Variants in EGLN3 observed in about 807,000 individuals in gnomAD.
The protein encoded by EGLN3 is prolyl hydroxylase EGLN3.
A neutral mutation model predicts 26.0 loss-of-function variants in EGLN3; 15 were observed. The observed-to-expected ratio is 0.58, with a 90% CI of 0.39 to 0.89. EGLN3 has a LOEUF of 0.89. Ranked by LOEUF, EGLN3 falls within the 40% of genes least tolerant of loss-of-function variation. EGLN3 has a pLI of 0.00. For synonymous variants in EGLN3, 147 were observed against 127.2 expected (o/e 1.16, Z -1.05); for missense variants, 238 against 311.6 (o/e 0.76, Z 1.78).
At chr14:33,942,308 A>G (rs1566600769) in intron 1 of EGLN3, among the ~76,000 whole-genome samples, 1 of 152,000 alleles carries the variant, frequency 6.6e-6, no homozygotes, top group Non-Finnish European at 1.5e-5. Context: ...AAAAAAAAAA[A>G]AGACAACTTG....
intron 1 of EGLN3, among the ~76,000 whole-genome samples, chr14:33,936,160 G>A (rs1040545017): frequency 6.6e-5 from 10 of 152,294 alleles, no homozygotes; most frequent in Middle Eastern, 3.4e-3. Context: ...AACCTGGGAA[G>A]TGGAGGTTGC....
chr14:33,931,287 G>A, intron 1 of EGLN3, 72 bp from the exon 2 acceptor site: 1 of 1,604,144 alleles, frequency 6.2e-7, no homozygotes, highest in East Asian at 2.2e-5. Flanking sequence ...CTGGTGAGCA[G>A]ATAAGTAACA....
Position 33,950,480 on chromosome 14 carries a change from G to A in EGLN3, c.273C>T (p.Ile91=), listed in dbSNP as rs1343053942. 6.2e-7 allele frequency: 1 copy of A among 1,613,712 alleles called. No individual in the cohort carries two copies. Among genetic ancestry groups the A allele is most frequent in the East Asian group, 2.2e-5 (1 of 44,852 alleles). The change falls in exon 1 of 5, where the codon ATC becomes ATT. Residue 91 remains isoleucine, a synonymous_variant. Transcript: ENST00000250457. ...TGTCGATGAGGGACAGGAGGAAGCT[G>A]ATGGCCTCGCAGCCCTCCTCGTTGC... ...IGGNEEGCEA[I]SFLLSLIDRL... is the part of the protein sequence containing the mutation.
chr14:33,926,389 C>CTT (rs1294949491), intron 4 of EGLN3, among the ~76,000 whole-genome samples: 1 of 152,170 alleles, frequency 6.6e-6, no homozygotes, highest in Non-Finnish European at 1.5e-5. Flanking sequence ...CAATGTGACT[C>CTT]TTTTTAAGAC....
intron 1 of EGLN3, among the ~76,000 whole-genome samples, chr14:33,936,819 TAA>T (rs34416259): frequency 3.6e-4 from 53 of 148,526 alleles, no homozygotes; most frequent in African/African-American, 8.2e-4. Context: ...AAGTTTTATT[TAA>T]AAAAAAAAAA....
chr14:33,931,238 C>A (rs2064401304), intron 1 of EGLN3, 23 bp from the exon 2 acceptor site: 2 of 1,613,908 alleles, frequency 1.2e-6, no homozygotes, highest in East Asian at 2.2e-5. Context: ...CCCAAGAAAG[C>A]TGGTTAACAA....
At chr14:33,934,121 A>C (rs1254696254) in intron 1 of EGLN3, among the ~76,000 whole-genome samples, 2 of 152,140 alleles carry the variant, frequency 1.3e-5, no homozygotes, top group Non-Finnish European at 2.9e-5. Context: ...TGATAAATCC[A>C]CATGTCCCCT....
chr14:33,946,346 A>C (rs974457529), intron 1 of EGLN3, among the ~76,000 whole-genome samples: 1 of 152,098 alleles, frequency 6.6e-6, no homozygotes, highest in Non-Finnish European at 1.5e-5. Context: ...ATTGAACTCC[A>C]ACCTGCGCAA....
At chr14:33,933,211 T>C (rs2064416344) in intron 1 of EGLN3, among the ~76,000 whole-genome samples, 1 of 151,424 alleles carries the variant, frequency 6.6e-6, no homozygotes, top group African/African-American at 2.4e-5. Context: ...CCCAAGAAGA[T>C]CTAAGACTTG....
intron 1 of EGLN3, 41 bp downstream of exon 1, chr14:33,950,355 C>A (rs752932474): frequency 6.3e-7 from 1 of 1,594,304 alleles, no homozygotes; most frequent in Non-Finnish European, 8.6e-7. Context: ...GCCTCCCGTC[C>A]CCGCGGGAGC....
Position 33,944,808 on chromosome 14 carries a change from C to G in EGLN3, c.357+5588G>C, listed in dbSNP as rs57955508. On this transcript the variant is annotated intron_variant, in intron 1 of 4. Transcript: ENST00000250457. Reference sequence around the variant, plus strand: ...CCTTCCCCATCCACGGACAGGTCTCCCACAGTGTGCAGCACTGAGTGATCT... The same window carrying G: ...CCTTCCCCATCCACGGACAGGTCTCGCACAGTGTGCAGCACTGAGTGATCT... Among the ~76,000 whole-genome samples the G allele has an allele frequency of 1.2e-4, 19 of 152,284 alleles. No individual in the cohort carries two copies. The East Asian group carries it at 2.5e-3, about 20-fold the overall frequency.
intron 1 of EGLN3, among the ~76,000 whole-genome samples, chr14:33,932,762 G>A (rs888364593): frequency 2.6e-5 from 4 of 152,150 alleles, no homozygotes; most frequent in African/African-American, 9.7e-5. Context: ...GTGAGGCGAC[G>A]TCAGCAATGA....
intron 1 of EGLN3, among the ~76,000 whole-genome samples, chr14:33,945,728 G>A (rs1594385143): frequency 6.6e-6 from 1 of 152,194 alleles, no homozygotes; most frequent in African/African-American, 2.4e-5. Flanking sequence ...TGAGAACCCT[G>A]ACTGCATTTC....
At chr14:33,930,239 C>T (rs2064392644) in intron 2 of EGLN3, among the ~76,000 whole-genome samples, 1 of 152,146 alleles carries the variant, frequency 6.6e-6, no homozygotes, top group African/African-American at 2.4e-5. Context: ...CTATCAGCAC[C>T]TCTCAAGATT....
chr14:33,950,719 C>T lies in EGLN3; in HGVS notation c.34G>A (p.Glu12Lys). 1 of 1,613,758 alleles carries T rather than the reference C, an allele frequency of 6.2e-7. No homozygotes were observed. Among genetic ancestry groups the T allele is most frequent in the Non-Finnish European group, 8.5e-7 (1 of 1,179,826 alleles). ...PLGHIMRLDLEKIALEYIVPC... is the reference protein window; with the variant it reads ...PLGHIMRLDLKKIALEYIVPC... Reference sequence around the variant, plus strand: ...ACGATGTACTCCAGGGCAATTTTCTCCAGGTCCAGCCTCATGATGTGTCCC... The same window carrying T: ...ACGATGTACTCCAGGGCAATTTTCTTCAGGTCCAGCCTCATGATGTGTCCC... Residue 12 changes from glutamate to lysine, a missense_variant, in exon 1 of 5, where the codon GAG (glutamate) becomes AAG (lysine). Physicochemically the swap from Glu to Lys is moderately conservative, Grantham distance 56. Transcript: ENST00000250457.
chr14:33,936,769 GA>G (rs66651636), intron 1 of EGLN3, among the ~76,000 whole-genome samples: 48,652 of 131,100 alleles, frequency 0.37, 8,382 homozygotes, highest in Middle Eastern at 0.57. Flanking sequence ...AAAGGCTGGA[GA>G]AAAAAAAAAA....
intron 1 of EGLN3, among the ~76,000 whole-genome samples, chr14:33,937,644 T>G (rs1050524731): frequency 3.3e-5 from 5 of 152,208 alleles, no homozygotes; most frequent in African/African-American, 1.2e-4. Flanking sequence ...TGAAAATGTT[T>G]TTTACTACTC....
intron 3 of EGLN3, among the ~76,000 whole-genome samples, chr14:33,928,453 TTG>T: frequency 6.6e-6 from 1 of 152,304 alleles, no homozygotes; most frequent in Admixed American, 6.5e-5. Context: ...TGAAGATTTT[TTG>T]TCAAGATTGT....
At position 33,950,517 on chromosome 14, in the gene EGLN3, G is replaced by T; in HGVS notation, c.236C>A (p.Thr79Lys). ...GCCCTCCTCGTTGCCCCCGATCCAC[G>T]TGATCTGGTCGCCCCGCAGGTGTCG... ...SKRHLRGDQI[T>K]WIGGNEEGCE... is the part of the protein sequence containing the mutation. Residue 79 changes from threonine (T) to lysine (K), a missense_variant, in exon 1 of 5, where the codon ACG becomes AAG. By Grantham distance (78) the Thr-to-Lys change is moderately conservative. Transcript: ENST00000250457. The T allele has an allele frequency of 1.2e-6, 2 of 1,613,630 alleles. No homozygotes were observed. Among genetic ancestry groups the T allele is most frequent in the Non-Finnish European group, 1.7e-6 (2 of 1,180,022 alleles).
Sources: allele counts gnomAD v4.1 joint callset (sites outside exome capture counted in the v4.1 genomes callset), GRCh38; gene constraint gnomAD v4.1.1; transcripts MANE v1.5; gene names NCBI Gene and HGNC (gene_info 2026-07-23, HGNC 2026-07-21).